The following CASTOR2 variants were observed in gnomAD, a reference collection of about 807,000 sequenced individuals.
CASTOR2 encodes cytosolic arginine sensor for mTORC1 subunit 2.
In CASTOR2, 8 loss-of-function variants were observed where a neutral mutation model predicts 31.2. The ratio of observed to expected loss-of-function variants is 0.26; its 90% CI spans 0.15 to 0.46. The LOEUF is 0.46. CASTOR2 is among the 20% of genes least tolerant of loss of function. CASTOR2 has a pLI of 0.99. For missense variants in CASTOR2, 216 were observed against 382.1 expected (o/e 0.57, Z 3.62); for synonymous variants, 162 against 158.7 (o/e 1.02, Z -0.16).
In CASTOR2 at chr7:75,028,996, G is replaced by A. The variant is rs1805222238; in HGVS notation, c.*4297G>A. Among the ~76,000 whole-genome samples, 2 of 120,750 alleles carry A rather than the reference G, an allele frequency of 1.7e-5. No homozygotes were observed. The highest frequency in any genetic ancestry group is 3.8e-5 in the Non-Finnish European group (2 of 52,972). 79.2% of individuals were successfully genotyped at this position (120,750 alleles called of 152,430 possible). ...GAGGCTTCCAGTGTGGCCTCCGGAA[G>A]CAGCAGCGTAGCCAGGGTGACATTT... On this transcript the variant is annotated 3_prime_UTR_variant, in exon 9 of 9. Transcript: ENST00000616305.
chr7:75,018,186 C>G, intron 4 of CASTOR2, 64 bp downstream of exon 4: 2 of 1,581,650 alleles, frequency 1.3e-6, no homozygotes, highest in South Asian at 2.3e-5. Flanking sequence ...CAGCCGCAGA[C>G]CAGCCTTACT....
Position 75,017,925 on chromosome 7 carries a change from C to G in CASTOR2, c.379-65C>G. ...GGGGCAGAGTCTCAGGGTGAGAGGT[C>G]GGTGCCCCAGACCCACATCCCCCAG... On this transcript the variant is annotated intron_variant, in intron 3 of 8. Coordinates refer to ENST00000616305, the MANE Select transcript of CASTOR2 (RefSeq NM_001145064.3). The G allele has an allele frequency of 3.7e-6, 6 of 1,613,728 alleles. No individual in the cohort carries two copies. The South Asian group carries it at 5.5e-5, about 15-fold the overall frequency.
Position 74,965,850 on chromosome 7 carries a change from T to TCA in CASTOR2, c.113+784_113+785dup, listed in dbSNP as rs1177991219. Among the ~76,000 whole-genome samples the TCA allele has an allele frequency of 8.9e-3, 94 of 10,592 alleles. 7 individuals carry two copies. The highest frequency in any genetic ancestry group is 0.011 in the South Asian group (3 of 284). The allele number at this position is 10,592 out of a possible 152,430, so 6.9% of individuals were successfully genotyped here. A position where few individuals can be genotyped will look rare whatever the true frequency, so the allele number is the denominator to read the frequency against. ...AGGCCTTGGAAGGTAAAAGAGGGAA[T>TCA]CACACACACACACACACACACACAC... On this transcript the variant is annotated intron_variant, in intron 1 of 8. Transcript: ENST00000616305.
At chr7:74,981,697 G>A (rs1326287696) in intron 1 of CASTOR2, among the ~76,000 whole-genome samples, 1 of 151,294 alleles carries the variant, frequency 6.6e-6, no homozygotes, top group Non-Finnish European at 1.5e-5. Flanking sequence ...AAAGTGCTGG[G>A]ATTACAAGTA....
chr7:75,020,967 T>A (rs985595895), intron 6 of CASTOR2, among the ~76,000 whole-genome samples: 3 of 151,894 alleles, frequency 2.0e-5, no homozygotes, highest in Non-Finnish European at 4.4e-5. Flanking sequence ...TGGCTAATTT[T>A]TGTATTTTTA....
intron 1 of CASTOR2, among the ~76,000 whole-genome samples, chr7:74,991,531 A>G (rs1298438096): frequency 6.6e-6 from 1 of 152,150 alleles, no homozygotes; most frequent in Non-Finnish European, 1.5e-5. Context: ...GAGCTGGGGT[A>G]GCAGTGACAA....
chr7:75,019,862 G>A (rs1382735114), intron 5 of CASTOR2, among the ~76,000 whole-genome samples, 177 bp from the exon 6 acceptor site: 2 of 152,208 alleles, frequency 1.3e-5, no homozygotes, highest in Non-Finnish European at 2.9e-5. Flanking sequence ...TGTAGCACCC[G>A]CCTTTGTGAA....
At chr7:75,013,934 G>C in intron 2 of CASTOR2, among the ~76,000 whole-genome samples, 1 of 152,012 alleles carries the variant, frequency 6.6e-6, no homozygotes, top group East Asian at 1.9e-4. Flanking sequence ...CCCCCATGTT[G>C]GTCAGGCTGG....
chr7:75,011,325 A>T (rs1804738086), intron 2 of CASTOR2, among the ~76,000 whole-genome samples: 1 of 150,936 alleles, frequency 6.6e-6, no homozygotes. Flanking sequence ...GCTACTCAGG[A>T]GGCTGAGGAA....
chr7:74,985,691 C>G (rs1269360967), intron 1 of CASTOR2, among the ~76,000 whole-genome samples: 1 of 150,942 alleles, frequency 6.6e-6, no homozygotes, highest in Non-Finnish European at 1.5e-5. Flanking sequence ...TGAGCATGTT[C>G]CATTACCCCC....
In CASTOR2 at chr7:74,975,175, A is replaced by C. The variant is rs587603609; in HGVS notation, c.113+10077A>C. Among the ~76,000 whole-genome samples, 8 of 149,858 alleles carry C rather than the reference A, an allele frequency of 5.3e-5. No individual in the cohort carries two copies. The South Asian group carries it at 1.1e-3, about 20-fold the overall frequency. ...ATTTAGATGGGTTTTCCCAGGTTGG[A>C]CAGGCTGGTCTTGAACTCCTGACCT... On this transcript the variant is annotated intron_variant, in intron 1 of 8. Coordinates refer to ENST00000616305, the MANE Select transcript of CASTOR2 (RefSeq NM_001145064.3).
At chr7:74,992,912 A>C (rs1160601958) in intron 1 of CASTOR2, among the ~76,000 whole-genome samples, 1 of 151,796 alleles carries the variant, frequency 6.6e-6, no homozygotes, top group Non-Finnish European at 1.5e-5. Flanking sequence ...CTTAAAAAAC[A>C]GAAAAGGGCC....
At chr7:74,995,829 G>A (rs1321297945) in intron 1 of CASTOR2, among the ~76,000 whole-genome samples, 2 of 151,502 alleles carry the variant, frequency 1.3e-5, no homozygotes, top group African/African-American at 2.4e-5. Flanking sequence ...AAAAAAATTA[G>A]CCAGGCATGG....
Position 75,029,362 on chromosome 7 carries a change from CTTTTT to C in CASTOR2, c.*4678_*4682del, listed in dbSNP as rs1177516960. On this transcript the variant is annotated 3_prime_UTR_variant, in exon 9 of 9. Transcript: ENST00000616305. ...CACCTCAGCCCTGCAATGGGGGGATCTTTTTTTTTTTTTTTTTTTGAGACAGGCTG... is the reference window on the plus strand; with the variant it reads ...CACCTCAGCCCTGCAATGGGGGGATCTTTTTTTTTTTTTTGAGACAGGCTG... 3.2e-5 allele frequency among the ~76,000 whole-genome samples: 4 copies of C among 126,186 alleles called. No homozygotes were observed. The highest frequency in any genetic ancestry group is 8.1e-5 in the Admixed American group (1 of 12,300). The allele number at this position is 126,186 out of a possible 152,430, so 82.8% of individuals were successfully genotyped here.
chr7:75,003,046 A>G (rs1804531750), intron 1 of CASTOR2, among the ~76,000 whole-genome samples: 1 of 152,168 alleles, frequency 6.6e-6, no homozygotes. Context: ...ACTGCCCGGC[A>G]ATAGGGGGAT....
rs1805238615 is a variant in CASTOR2 at position 75,029,473 on chromosome 7, A to G, written c.*4774A>G. Among the ~76,000 whole-genome samples, 7 of 150,486 alleles carry G rather than the reference A, an allele frequency of 4.7e-5. No homozygotes were observed. The stretch of plus-strand genomic sequence containing the variant: ...ATTCTCCTGCCTCAGCCTCCCAAGT[A>G]GCTGGGATTACAGGCACCCACCACC... On this transcript the variant is annotated 3_prime_UTR_variant, in exon 9 of 9. Coordinates refer to ENST00000616305, the MANE Select transcript of CASTOR2 (RefSeq NM_001145064.3).
rs1214867589 is a variant in CASTOR2, at chr7:75,025,530, C to T, written c.*831C>T. Among the ~76,000 whole-genome samples, 1 of 152,196 alleles carries T rather than the reference C, an allele frequency of 6.6e-6. No homozygotes were observed. The highest frequency in any genetic ancestry group is 1.5e-5 in the Non-Finnish European group (1 of 68,034). On this transcript the variant is annotated 3_prime_UTR_variant, in exon 9 of 9. Coordinates refer to ENST00000616305, the MANE Select transcript of CASTOR2 (RefSeq NM_001145064.3). ...CCCAGTAGGGACATCCCTGGCTTTCCAGGCCTGAGGTTTCTTAGGTGGTGT... is the reference window on the plus strand; with the variant it reads ...CCCAGTAGGGACATCCCTGGCTTTCTAGGCCTGAGGTTTCTTAGGTGGTGT...
At chr7:74,986,858 C>T (rs1804078122) in intron 1 of CASTOR2, among the ~76,000 whole-genome samples, 1 of 151,580 alleles carries the variant, frequency 6.6e-6, no homozygotes, top group African/African-American at 2.4e-5. Context: ...CCAGCCTGAA[C>T]AATGTAGTAA....
intron 1 of CASTOR2, among the ~76,000 whole-genome samples, chr7:74,988,384 G>A (rs1313421296): frequency 6.6e-6 from 1 of 151,998 alleles, no homozygotes; most frequent in African/African-American, 2.4e-5. Flanking sequence ...TGCAAGCTCC[G>A]CCTCCCGGGT....
Sources: gnomAD v4.1 joint callset for allele counts (sites outside exome capture counted in the v4.1 genomes callset) on GRCh38, gnomAD v4.1.1 for gene constraint, MANE v1.5 for transcripts, NCBI Gene and HGNC (gene_info 2026-07-23, HGNC 2026-07-21) for gene names.